STPG2: variants seen among roughly 807,000 people sequenced by gnomAD.
The protein encoded by STPG2 is sperm tail PG-rich repeat containing 2, also known as sperm-tail PG-rich repeat-containing protein 2.
Under a neutral mutation model 54.2 loss-of-function variants are expected in STPG2, and 56 were observed. The ratio of observed to expected loss-of-function variants is 1.03; its 90% CI spans 0.83 to 1.29. STPG2 has a LOEUF of 1.29. Among genes scored for constraint, STPG2 ranks in the 50% most tolerant of loss-of-function variants. The pLI is 0.00. For missense variants in STPG2, 596 were observed against 544.9 expected, an observed-to-expected ratio of 1.09 and a Z score of -0.93; for synonymous variants, 200 against 181.8, an observed-to-expected ratio of 1.10 and a Z score of -0.81.
chr4:97,954,578 G>A (rs764882860), intron 7 of STPG2, among the ~76,000 whole-genome samples: 1 of 152,106 alleles, frequency 6.6e-6, no homozygotes, highest in African/African-American at 2.4e-5. Context: ...CCTGATAGAA[G>A]GACCCTCAAA....
In STPG2 at chr4:97,736,240, G is replaced by A. The variant is rs540583595; in HGVS notation, c.1205-23426C>T. On this transcript the variant is annotated intron_variant, in intron 9 of 10. Coordinates refer to ENST00000295268, the MANE Select transcript of STPG2 (RefSeq NM_174952.3). ...AAAGGTGATAGCAGCCAAGATGGCCGAATAGGAACAGCTCCAGTCTACAGC... is the reference window on the plus strand; with the variant it reads ...AAAGGTGATAGCAGCCAAGATGGCCAAATAGGAACAGCTCCAGTCTACAGC... Among the ~76,000 whole-genome samples, 44 of 152,296 alleles carry A rather than the reference G, an allele frequency of 2.9e-4. 1 individual carries two copies. Among genetic ancestry groups the A allele is most frequent in the East Asian group, 1.7e-3 (9 of 5,180 alleles).
At chr4:97,456,899 A>AAAAAAAAAAAAG (rs1729539298) in intron 4 of STPG2, among the ~76,000 whole-genome samples, 1 of 150,616 alleles carries the variant, frequency 6.6e-6, no homozygotes, top group African/African-American at 2.5e-5. Flanking sequence ...CTCAAAAAAA[A>AAAAAAAAAAAAG]AAAAAAGAAA....
At chr4:97,936,273 T>C (rs1310138062) in intron 8 of STPG2, among the ~76,000 whole-genome samples, 5 of 152,172 alleles carry the variant, frequency 3.3e-5, no homozygotes, top group Non-Finnish European at 7.4e-5. Flanking sequence ...AAGTGTGTCT[T>C]TCTGCATGAG....
chr4:98,003,962 G>C (rs1735494701), intron 5 of STPG2, among the ~76,000 whole-genome samples: 1 of 151,992 alleles, frequency 6.6e-6, no homozygotes, highest in African/African-American at 2.4e-5. Context: ...TAATAATCAA[G>C]CTAATTAACA....
intron 8 of STPG2, among the ~76,000 whole-genome samples, chr4:97,867,094 A>G (rs1372638529): frequency 6.6e-6 from 1 of 151,988 alleles, no homozygotes; most frequent in Non-Finnish European, 1.5e-5. Flanking sequence ...AGTGCAGCCT[A>G]GAATCTGTTT....
At chr4:97,897,752 T>C (rs902612897) in intron 8 of STPG2, among the ~76,000 whole-genome samples, 5 of 151,982 alleles carry the variant, frequency 3.3e-5, no homozygotes, top group Non-Finnish European at 7.4e-5. Context: ...TTTAATGGGG[T>C]TTTGTTTTTC....
chr4:97,776,945 C>T (rs1328519393), intron 9 of STPG2, among the ~76,000 whole-genome samples: 1 of 152,098 alleles, frequency 6.6e-6, no homozygotes. Context: ...CTTCCGTTTA[C>T]TAATTTTAGG....
rs115730448 is a variant in STPG2 at position 98,076,288 on chromosome 4, G to A, written c.612+29665C>T. Among the ~76,000 whole-genome samples the A allele has an allele frequency of 7.3e-5, 11 of 150,364 alleles. 1 individual carries two copies. The highest frequency in any genetic ancestry group is 2.2e-4 in the African/African-American group (9 of 41,048). ...AGCAAATGAGTAGTGAACCATCCACGTAATCCAATATGAAAAACTGAAAGA... is the reference window on the plus strand; with the variant it reads ...AGCAAATGAGTAGTGAACCATCCACATAATCCAATATGAAAAACTGAAAGA... On this transcript the variant is annotated intron_variant, in intron 5 of 10. Coordinates refer to ENST00000295268, the MANE Select transcript of STPG2 (RefSeq NM_174952.3).
intron 8 of STPG2, among the ~76,000 whole-genome samples, chr4:97,920,283 ACT>A (rs1172958947): frequency 2.6e-5 from 4 of 152,084 alleles, no homozygotes; most frequent in African/African-American, 9.7e-5. Context: ...CTTGTCACAC[ACT>A]CACAAAATTT....
chr4:97,745,297 A>C (rs1463149115), intron 9 of STPG2, among the ~76,000 whole-genome samples: 2 of 150,370 alleles, frequency 1.3e-5, no homozygotes, highest in African/African-American at 4.9e-5. Flanking sequence ...AGTGCCCTAA[A>C]TTGGTCCAAT....
At chr4:97,693,522 C>A (rs1462949254) in intron 10 of STPG2, among the ~76,000 whole-genome samples, 1 of 151,956 alleles carries the variant, frequency 6.6e-6, no homozygotes, top group African/African-American at 2.4e-5. Context: ...CTGGAGATCC[C>A]AAATTTATAA....
chr4:97,682,819 G>A (rs1316369710), intron 10 of STPG2, among the ~76,000 whole-genome samples: 1 of 151,714 alleles, frequency 6.6e-6, no homozygotes, highest in Non-Finnish European at 1.5e-5. Context: ...TAAGTCCTTG[G>A]TGCTAACCAT....
In STPG2 at chr4:97,666,723, G is replaced by T. The variant is rs192969723; in HGVS notation, c.1320+45976C>A. ...TATCATGCTAAGCCTTGTGAACTCG[G>T]TAAATTATTATATCTGTTATACAAG... On this transcript the variant is annotated intron_variant, in intron 10 of 10. Transcript: ENST00000295268. Among the ~76,000 whole-genome samples the T allele has an allele frequency of 7.2e-5, 11 of 152,276 alleles. No individual in the cohort carries two copies. The East Asian group carries it at 2.1e-3, about 29-fold the overall frequency.
At chr4:97,565,811 T>A (rs1458026333) in intron 10 of STPG2, among the ~76,000 whole-genome samples, 1 of 150,464 alleles carries the variant, frequency 6.6e-6, no homozygotes, top group East Asian at 2.0e-4. Context: ...CTCAGAGGAG[T>A]ACCCGGCCGT....
intron 8 of STPG2, among the ~76,000 whole-genome samples, chr4:97,898,790 G>A (rs760398242): frequency 2.6e-5 from 4 of 151,450 alleles, no homozygotes; most frequent in African/African-American, 9.7e-5. Context: ...AAAGGATATG[G>A]GGAAGAGAGA....
At chr4:98,097,974 A>G (rs1738910992) in intron 5 of STPG2, among the ~76,000 whole-genome samples, 1 of 152,180 alleles carries the variant, frequency 6.6e-6, no homozygotes, top group African/African-American at 2.4e-5. Context: ...ATTGAAGCAG[A>G]CACCAAAAGA....
At chr4:98,017,295 G>A (rs143927605) in intron 5 of STPG2, among the ~76,000 whole-genome samples, 1,708 of 152,338 alleles carry the variant, frequency 0.011, 24 homozygotes, top group Middle Eastern at 0.024. Context: ...TTACTTGCCT[G>A]TAAGGGCAGT....
At chr4:97,600,837 G>C (rs1733439818) in intron 10 of STPG2, among the ~76,000 whole-genome samples, 2 of 152,020 alleles carry the variant, frequency 1.3e-5, no homozygotes. Context: ...TCAGTACTTT[G>C]GGGCACAGCT....
chr4:97,611,443 A>G (rs1431348890), intron 10 of STPG2, among the ~76,000 whole-genome samples: 1 of 151,940 alleles, frequency 6.6e-6, no homozygotes, highest in Non-Finnish European at 1.5e-5. Context: ...CTAGGCTTTT[A>G]TAATAAAAGA....
Sources: allele counts gnomAD v4.1 joint callset (sites outside exome capture counted in the v4.1 genomes callset), GRCh38; gene constraint gnomAD v4.1.1; transcripts MANE v1.5; gene names NCBI Gene and HGNC (gene_info 2026-07-23, HGNC 2026-07-21).